Variants in ELFN1 observed in about 807,000 individuals in gnomAD.
ELFN1 encodes the protein protein ELFN1.
In ELFN1, 6 loss-of-function variants were observed where a neutral mutation model predicts 7.6. The ratio of observed to expected loss-of-function variants is 0.79; its 90% CI spans 0.43 to 1.56. ELFN1 has a LOEUF of 1.56. ELFN1 is among the 40% of genes most tolerant of loss of function. The pLI is 0.01. For missense variants in ELFN1, 1,169 were observed against 1,232.2 expected (o/e 0.95, Z 0.77); for synonymous variants, 657 against 588.1 (o/e 1.12, Z -1.70).
At chr7:1,741,441 C>T (rs535137160) in intron 3 of ELFN1, among the ~76,000 whole-genome samples, 20 of 152,316 alleles carry the variant, frequency 1.3e-4, no homozygotes, top group African/African-American at 4.8e-4. Context: ...CTGGGGACGG[C>T]CTGCCTCCCT....
intron 3 of ELFN1, among the ~76,000 whole-genome samples, chr7:1,742,859 AT>A (rs960837519): frequency 5.3e-5 from 8 of 152,050 alleles, no homozygotes; most frequent in Non-Finnish European, 1.0e-4. Flanking sequence ...ACATCATTAT[AT>A]TTTTTTTCTC....
chr7:1,700,421 C>T (rs918950368), intron 2 of ELFN1, among the ~76,000 whole-genome samples: 1 of 152,202 alleles, frequency 6.6e-6, no homozygotes, highest in Non-Finnish European at 1.5e-5. Flanking sequence ...CTGGATTCGC[C>T]TGTTTCTGAA....
At chr7:1,712,599 T>C (rs996315245) in intron 3 of ELFN1, among the ~76,000 whole-genome samples, 23 of 151,984 alleles carry the variant, frequency 1.5e-4, no homozygotes, top group African/African-American at 5.6e-4. Context: ...GCCCGGCTAA[T>C]TTTTGTATTT....
At position 1,673,085 on chromosome 7, in the gene ELFN1, GC is replaced by G. The variant is rs532796091; in HGVS notation, c.-549+2740del. ...TGGATACATTTGTCATCTCTCCAGC[GC>G]CCCCCCCCGCTCTTTCCTTTTTGTT... On this transcript the variant is annotated intron_variant, in intron 1 of 3. Coordinates refer to ENST00000424383, the MANE Select transcript of ELFN1 (RefSeq NM_001128636.4). This position sits in a 1 kb window ranked among gnomAD's most constrained non-coding sequence, Gnocchi z 4.7. Among the ~76,000 whole-genome samples the G allele has an allele frequency of 1.6e-3, 144 of 89,128 alleles. No homozygotes were observed. The highest frequency in any genetic ancestry group is 4.7e-3 in the Middle Eastern group (1 of 212). The allele number at this position is 89,128 out of a possible 152,430, so 58.5% of individuals were successfully genotyped here. A position where few individuals can be genotyped will look rare whatever the true frequency, so the allele number is the denominator to read the frequency against.
intron 2 of ELFN1, among the ~76,000 whole-genome samples, chr7:1,689,641 A>G (rs897891156): frequency 6.6e-6 from 1 of 152,192 alleles, no homozygotes; most frequent in Non-Finnish European, 1.5e-5. Flanking sequence ...CTTATTTTTA[A>G]TCATGTTGAA....
At chr7:1,725,299 CTGG>C (rs1363412097) in intron 3 of ELFN1, among the ~76,000 whole-genome samples, 1 of 152,236 alleles carries the variant, frequency 6.6e-6, no homozygotes, top group Non-Finnish European at 1.5e-5. Flanking sequence ...CCGCCCACAG[CTGG>C]TGCTGGGGCT....
intron 1 of ELFN1, among the ~76,000 whole-genome samples, chr7:1,679,412 G>A (rs2128575987): frequency 6.6e-6 from 1 of 152,290 alleles, no homozygotes; most frequent in Non-Finnish European, 1.5e-5. Flanking sequence ...CTGGGCCGTG[G>A]GCAGGGAACT....
intron 3 of ELFN1, among the ~76,000 whole-genome samples, chr7:1,729,369 G>GGCTCAGCAGGGCGGTTCACCTCT (rs1319016106): frequency 6.6e-6 from 1 of 152,174 alleles, no homozygotes; most frequent in African/African-American, 2.4e-5. Flanking sequence ...CACTGGGAAG[G>GGCTCAGCAGGGCGGTTCACCTCT]GCTCAGCAGG....
upstream of ELFN1, among the ~76,000 whole-genome samples, chr7:1,670,211 C>G (rs959848282): frequency 3.3e-5 from 5 of 151,100 alleles, no homozygotes; most frequent in African/African-American, 7.3e-5. This position sits in a 1 kb window ranked among gnomAD's most constrained non-coding sequence, Gnocchi z 6.4. Flanking sequence ...TGAATTCCCC[C>G]CCGGCCGCGC....
upstream of ELFN1, among the ~76,000 whole-genome samples, chr7:1,667,126 G>A (rs1583298915): frequency 3.3e-5 from 5 of 151,090 alleles, no homozygotes; most frequent in South Asian, 1.0e-3. The surrounding 1 kb of genome is among the most constrained non-coding windows in gnomAD (Gnocchi z 8.2). Flanking sequence ...TCGGGGTGTC[G>A]GCCCCCCCCC....
chr7:1,737,222 C>T (rs1276438907), intron 3 of ELFN1, among the ~76,000 whole-genome samples: 1 of 152,198 alleles, frequency 6.6e-6, no homozygotes, highest in East Asian at 1.9e-4. Flanking sequence ...GTCTCGCACA[C>T]CTCCCTAGCC....
chr7:1,728,001 G>C (rs1583382058), intron 3 of ELFN1, among the ~76,000 whole-genome samples: 1 of 152,306 alleles, frequency 6.6e-6, no homozygotes, highest in South Asian at 2.1e-4. Context: ...GTTTGAGAGA[G>C]GCCGAGAGGT....
intron 3 of ELFN1, among the ~76,000 whole-genome samples, chr7:1,733,502 T>C (rs1028675436): frequency 6.6e-6 from 1 of 152,028 alleles, no homozygotes; most frequent in African/African-American, 2.4e-5. Context: ...GATAGAACTT[T>C]CTAGTAACAG....
Position 1,695,165 on chromosome 7 carries a change from A to G in ELFN1, c.-456+7015A>G, listed in dbSNP as rs1259062051. Among the ~76,000 whole-genome samples, 1 of 152,226 alleles carries G rather than the reference A, an allele frequency of 6.6e-6. No homozygotes were observed. The highest frequency in any genetic ancestry group is 1.5e-5 in the Non-Finnish European group (1 of 68,030). On this transcript the variant is annotated intron_variant, in intron 2 of 3. Coordinates refer to ENST00000424383, the MANE Select transcript of ELFN1 (RefSeq NM_001128636.4). The surrounding 1 kb of genome is among the most constrained non-coding windows in gnomAD (Gnocchi z 5.1). ...CTCTGTGGCTCCAGAGCTCATGCGC[A>G]GCCCGCTGGGGCTGTGAGGGTTCTG...
chr7:1,705,456 C>A lies in ELFN1; in HGVS notation c.-455-3635C>A, dbSNP rs186124267. 6.6e-5 allele frequency among the ~76,000 whole-genome samples: 10 copies of A among 152,374 alleles called. No individual in the cohort carries two copies. The highest frequency in any genetic ancestry group is 1.2e-4 in the Non-Finnish European group (8 of 68,036). ...CTGGAAGGAGGAGGAGGAGCTCCCC[C>A]CAACCGCCAGGGTGCCAGGGGAGTG... On this transcript the variant is annotated intron_variant, in intron 2 of 3. Transcript: ENST00000424383. This position sits in a 1 kb window ranked among gnomAD's most constrained non-coding sequence, Gnocchi z 4.3.
At chr7:1,667,308 C>T (rs1240878311), upstream of ELFN1, among the ~76,000 whole-genome samples, 1 of 152,154 alleles carries the variant, frequency 6.6e-6, no homozygotes, top group Non-Finnish European at 1.5e-5. The surrounding 1 kb of genome is among the most constrained non-coding windows in gnomAD (Gnocchi z 8.2). Flanking sequence ...CGCGCCCTTC[C>T]TCCCAACCCA....
intron 3 of ELFN1, among the ~76,000 whole-genome samples, chr7:1,730,331 AG>A (rs1459486738): frequency 1.3e-5 from 2 of 152,212 alleles, no homozygotes; most frequent in East Asian, 3.8e-4. Flanking sequence ...GATGAGCTGG[AG>A]GAGGAAGCCA....
chr7:1,721,303 C>A (rs1363021810), intron 3 of ELFN1, among the ~76,000 whole-genome samples: 2 of 152,228 alleles, frequency 1.3e-5, no homozygotes, highest in Non-Finnish European at 2.9e-5. Context: ...GAGGGATGAC[C>A]TCACTGTGTA....
chr7:1,679,793 G>A (rs1334176002), intron 1 of ELFN1, among the ~76,000 whole-genome samples: 2 of 152,218 alleles, frequency 1.3e-5, no homozygotes, highest in Non-Finnish European at 2.9e-5. Flanking sequence ...TCCCTCCTGT[G>A]ACTCTGCCCC....
Sources: allele counts gnomAD v4.1 joint callset (sites outside exome capture counted in the v4.1 genomes callset), GRCh38; gene constraint gnomAD v4.1.1; non-coding constraint Gnocchi (gnomAD v3.1); transcripts MANE v1.5; gene names NCBI Gene and HGNC (gene_info 2026-07-23, HGNC 2026-07-21).